Variants in BLTP3B observed in about 807,000 individuals in gnomAD.
BLTP3B encodes UHRF1 (ICBP90) binding protein 1-like.
chr12:100,046,771 G>A, the BLTP3B span, among the ~76,000 whole-genome samples: 2 of 152,026 alleles, frequency 1.3e-5, no homozygotes, highest in South Asian at 4.2e-4. Context: ...ACAGTTGAGA[G>A]AACAATGGAA....
At chr12:100,081,721 T>C in the BLTP3B span, among the ~76,000 whole-genome samples, 1 of 152,208 alleles carries the variant, frequency 6.6e-6, no homozygotes, top group Non-Finnish European at 1.5e-5. Context: ...TCCAGCTGCA[T>C]CCATGTTGCT....
At chr12:100,039,490 A>G in the BLTP3B span, 18 of 1,198,074 alleles carry the variant, frequency 1.5e-5, no homozygotes, top group Non-Finnish European at 2.0e-5. Flanking sequence ...AATAACAAGC[A>G]CTCGGTACAT....
chr12:100,079,330 G>C, the BLTP3B span, among the ~76,000 whole-genome samples: 4 of 152,188 alleles, frequency 2.6e-5, no homozygotes, highest in Admixed American at 6.5e-5. Flanking sequence ...TGCTGAAAGT[G>C]ATATGAACAG....
chr12:100,042,934 G>A, the BLTP3B span, among the ~76,000 whole-genome samples: 7 of 152,180 alleles, frequency 4.6e-5, no homozygotes, highest in South Asian at 4.2e-4. Context: ...AGGGTAGCTC[G>A]GATTACAGAT....
the BLTP3B span, among the ~76,000 whole-genome samples, chr12:100,068,052 G>C: frequency 6.6e-6 from 1 of 152,064 alleles, no homozygotes; most frequent in Non-Finnish European, 1.5e-5. Flanking sequence ...GCAAGACTAA[G>C]CAAAAAGAAC....
chr12:100,132,920 C>G, the BLTP3B span, among the ~76,000 whole-genome samples: 3 of 151,738 alleles, frequency 2.0e-5, no homozygotes, highest in Non-Finnish European at 4.4e-5. Flanking sequence ...TATTCTCCAG[C>G]CTGAGCAACA....
the BLTP3B span, among the ~76,000 whole-genome samples, chr12:100,075,647 C>T: frequency 1.3e-5 from 2 of 152,084 alleles, no homozygotes; most frequent in African/African-American, 2.4e-5. Flanking sequence ...CAAGCAAAAA[C>T]CAAACACCAT....
chr12:100,099,086 G>A, the BLTP3B span, among the ~76,000 whole-genome samples: 3 of 151,544 alleles, frequency 2.0e-5, no homozygotes, highest in East Asian at 4.0e-4. Context: ...TCTACCTCCC[G>A]GGTTCCAGCA....
chr12:100,101,924 C>T, the BLTP3B span, among the ~76,000 whole-genome samples: 1 of 152,036 alleles, frequency 6.6e-6, no homozygotes, highest in Non-Finnish European at 1.5e-5. Flanking sequence ...CTGCCTGGGC[C>T]TCCTCAGTAG....
chr12:100,098,939 C>T, the BLTP3B span, among the ~76,000 whole-genome samples: 1,748 of 114,686 alleles, frequency 0.015, 17 homozygotes, highest in East Asian at 0.039. Context: ...GATAGACAGA[C>T]AGACACATAG....
the BLTP3B span, among the ~76,000 whole-genome samples, chr12:100,101,235 C>T: frequency 2.0e-5 from 3 of 152,146 alleles, no homozygotes; most frequent in Non-Finnish European, 4.4e-5. Flanking sequence ...ATATAAACTG[C>T]ACATCTGATA....
the BLTP3B span, among the ~76,000 whole-genome samples, chr12:100,083,757 T>TA: frequency 7.5e-3 from 1,124 of 148,920 alleles, 9 homozygotes; most frequent in African/African-American, 0.011. Context: ...TGTGTTGACT[T>TA]AAAAAAAAAA....
the BLTP3B span, chr12:100,098,653 G>GTGCTGGGAGTA: frequency 2.6e-6 from 3 of 1,160,300 alleles, no homozygotes; most frequent in Non-Finnish European, 3.5e-6. Flanking sequence ...TGTACTCCCA[G>GTGCTGGGAGTA]CACTTTGGGA....
chr12:100,137,629 C>T, the BLTP3B span, among the ~76,000 whole-genome samples: 4 of 152,076 alleles, frequency 2.6e-5, no homozygotes, highest in African/African-American at 9.7e-5. Context: ...CCATTTTCTA[C>T]TTAAGTTACT....
chr12:100,080,045 C>T, the BLTP3B span, among the ~76,000 whole-genome samples: 1 of 152,202 alleles, frequency 6.6e-6, no homozygotes, highest in African/African-American at 2.4e-5. Context: ...GCCTGGATGC[C>T]CAGGCAGAAT....
At chr12:100,080,983 T>G in the BLTP3B span, among the ~76,000 whole-genome samples, 1 of 152,166 alleles carries the variant, frequency 6.6e-6, no homozygotes, top group Non-Finnish European at 1.5e-5. Flanking sequence ...GTGCTGTTCT[T>G]GTGGTAGTGA....
the BLTP3B span, chr12:100,097,519 A>C: frequency 1.3e-6 from 2 of 1,593,700 alleles, no homozygotes; most frequent in Non-Finnish European, 1.7e-6. Flanking sequence ...AGGAGAACAC[A>C]GAGATTAACT....
chr12:100,057,638 G>A, the BLTP3B span: 1 of 1,612,624 alleles, frequency 6.2e-7, no homozygotes, highest in South Asian at 1.1e-5. Flanking sequence ...ATATCATGCT[G>A]TCAAGTGAAA....
At chr12:100,133,890 T>C in the BLTP3B span, among the ~76,000 whole-genome samples, 3 of 152,208 alleles carry the variant, frequency 2.0e-5, no homozygotes, top group African/African-American at 7.2e-5. Context: ...GAGATCACAT[T>C]CATATAACTT....
Sources: allele counts gnomAD v4.1 joint callset (sites outside exome capture counted in the v4.1 genomes callset), GRCh38; gene constraint gnomAD v4.1.1; transcripts MANE v1.5; gene names NCBI Gene and HGNC (gene_info 2026-07-23, HGNC 2026-07-21).